EPHA10: variants seen among roughly 807,000 people sequenced by gnomAD.
EPHA10 encodes EPH receptor A10, also known as ephrin type-A receptor 10.
Under a neutral mutation model 109.7 loss-of-function variants are expected in EPHA10, and 120 were observed. That is an observed-to-expected ratio of 1.09 (90% CI 0.94 to 1.27). EPHA10 has a LOEUF of 1.27. Ranked by LOEUF, EPHA10 falls within the 50% of genes most tolerant of loss-of-function variation. EPHA10 has a pLI of 0.00. For missense variants in EPHA10, 1,396 were observed against 1,411.1 expected, an observed-to-expected ratio of 0.99 and a Z score of 0.17; for synonymous variants, 640 against 618.9, an observed-to-expected ratio of 1.03 and a Z score of -0.51.
In EPHA10 at chr1:37,740,731, G is replaced by A. The variant is rs74786106; in HGVS notation, c.1358-5341C>T. Among the ~76,000 whole-genome samples the A allele has an allele frequency of 8.5e-4, 130 of 152,232 alleles. No individual in the cohort carries two copies. The East Asian group carries it at 0.024, about 28-fold the overall frequency. ...TACACACATATACGGGAGATAATAA[G>A]GCCTGGGGTTAGTGTTCGGCAAAGG... On this transcript the variant is annotated intron_variant, in intron 5 of 16. Transcript: ENST00000373048.
downstream of EPHA10, chr1:37,714,905 A>G (rs964081492): frequency 6.6e-6 from 1 of 152,244 alleles, no homozygotes; most frequent in Non-Finnish European, 1.5e-5. Flanking sequence ...CGGCAAACCC[A>G]TGGGTGCTGT....
intron 7 of EPHA10, 84 bp downstream of exon 7, chr1:37,731,327 C>T: frequency 7.1e-7 from 1 of 1,405,156 alleles, no homozygotes; most frequent in Non-Finnish European, 9.5e-7. Flanking sequence ...CCAGATAACT[C>T]TCCCCCTCTA....
At chr1:37,749,642 C>T (rs1430410576) in intron 5 of EPHA10, among the ~76,000 whole-genome samples, 1 of 150,670 alleles carries the variant, frequency 6.6e-6, no homozygotes, top group African/African-American at 2.4e-5. Flanking sequence ...CATTGCATTC[C>T]AGCCTGGGTG....
At position 37,753,079 on chromosome 1, in the gene EPHA10, G is replaced by T. The variant is rs766399824; in HGVS notation, c.1154C>A (p.Pro385Gln). The change falls in exon 5 of 17, where the codon CCG (proline) becomes CAG (glutamine). Residue 385 changes from proline to glutamine, a missense_variant. By Grantham distance (76) the Pro-to-Gln change is moderately conservative. Transcript: ENST00000373048. ...LLCLRCGREG[P>Q]AGACEPCGPR... ...CCCGCACGGCTCGCAGGCGCCCGCCGGGCCCTCGCGGCCGCAGCGCAGGCA... is the reference window on the plus strand; with the variant it reads ...CCCGCACGGCTCGCAGGCGCCCGCCTGGCCCTCGCGGCCGCAGCGCAGGCA... 8.5e-6 allele frequency: 11 copies of T among 1,299,960 alleles called. No individual in the cohort carries two copies. The South Asian group carries it at 1.1e-4, about 13-fold the overall frequency. The allele number at this position is 1,299,960 out of a possible 1,614,324, so 80.5% of individuals were successfully genotyped here.
At chr1:37,720,328 G>C in intron 13 of EPHA10, 23 bp downstream of exon 13, 1 of 1,580,828 alleles carries the variant, frequency 6.3e-7, no homozygotes, top group Non-Finnish European at 8.6e-7. Flanking sequence ...GGCACAGGCA[G>C]GCTTGGCTGG....
Position 37,761,576 on chromosome 1 carries a change from C to T in EPHA10, c.679G>A (p.Glu227Lys), listed in dbSNP as rs868136274. 1 of 1,598,672 alleles carries T rather than the reference C, an allele frequency of 6.3e-7. No homozygotes were observed. Residue 227 changes from glutamate (E) to lysine (K), a missense_variant, in exon 3 of 17, where the codon GAG (glutamate) becomes AAG (lysine). By Grantham distance (56) the Glu-to-Lys change is moderately conservative (BLOSUM62 1). Coordinates refer to ENST00000373048, the MANE Select transcript of EPHA10 (RefSeq NM_001099439.2). Reference protein sequence around the residue: ...GLATFPATAAESAFSTLVEVA... With the variant: ...GLATFPATAAKSAFSTLVEVA... Reference sequence around the variant, plus strand: ...TCCACCAGTGTGGAGAAGGCGCTCTCGGCTGCGGTGGCTGGGAACGTGGCC... The same window carrying T: ...TCCACCAGTGTGGAGAAGGCGCTCTTGGCTGCGGTGGCTGGGAACGTGGCC...
intron 8 of EPHA10, among the ~76,000 whole-genome samples, chr1:37,724,909 A>G (rs1039793883): frequency 2.0e-5 from 3 of 152,198 alleles, no homozygotes; most frequent in Non-Finnish European, 4.4e-5. Context: ...TCAGCTTACC[A>G]AGCCTCCACA....
At chr1:37,750,669 T>C (rs1646308638) in intron 5 of EPHA10, among the ~76,000 whole-genome samples, 2 of 151,582 alleles carry the variant, frequency 1.3e-5, no homozygotes, top group Non-Finnish European at 2.9e-5. Flanking sequence ...AGCCTCAAAC[T>C]CCTGGGCTCA....
At chr1:37,732,600 A>T (rs1646002760) in intron 6 of EPHA10, among the ~76,000 whole-genome samples, 1 of 152,116 alleles carries the variant, frequency 6.6e-6, no homozygotes, top group Non-Finnish European at 1.5e-5. Context: ...TGGCTTCAGG[A>T]CCCACAAGGT....
At chr1:37,741,758 T>TA (rs11411840) in intron 5 of EPHA10, among the ~76,000 whole-genome samples, 50,062 of 142,916 alleles carry the variant, frequency 0.35, 8,419 homozygotes, top group East Asian at 0.48. Context: ...TCTGACCCTT[T>TA]AAAAAAAAAA....
intron 3 of EPHA10, among the ~76,000 whole-genome samples, chr1:37,758,101 G>A (rs1646404453): frequency 6.6e-6 from 1 of 152,186 alleles, no homozygotes; most frequent in Non-Finnish European, 1.5e-5. Flanking sequence ...CATTTTGGGT[G>A]CAGGCAATAA....
chr1:37,755,099 C>A (rs1002629367), intron 3 of EPHA10, among the ~76,000 whole-genome samples: 12 of 152,262 alleles, frequency 7.9e-5, no homozygotes, highest in East Asian at 1.9e-4. Flanking sequence ...TGTGCCCGAC[C>A]CTTTATCCTC....
intron 11 of EPHA10, among the ~76,000 whole-genome samples, 178 bp downstream of exon 11, chr1:37,721,482 T>A (rs1477983541): frequency 1.3e-5 from 2 of 149,948 alleles, no homozygotes; most frequent in African/African-American, 2.5e-5. Flanking sequence ...TGAGCCAGAG[T>A]GGCCGCTCCA....
rs985063950 is a variant in EPHA10 at position 37,723,174 on chromosome 1, A to G, written c.1835-8T>C. 4 of 1,611,756 alleles carry G rather than the reference A, an allele frequency of 2.5e-6. No individual in the cohort carries two copies. Among genetic ancestry groups the G allele is most frequent in the South Asian group, 2.2e-5 (2 of 90,852 alleles). On this transcript the variant is annotated splice_polypyrimidine_tract_variant and splice_region_variant and intron_variant, in intron 9 of 16. Transcript: ENST00000373048. ...GACGTGTTGGGACTTTGACTGGGAG[A>G]GAAAGAGATGAGCCTGAGGAATGGG... is the stretch of plus-strand genomic sequence containing the variant.
Position 37,762,026 on chromosome 1 carries a change from A to G in EPHA10, c.229T>C (p.Cys77Arg). The G allele has an allele frequency of 6.2e-7, 1 of 1,613,388 alleles. No homozygotes were observed. Among genetic ancestry groups the G allele is most frequent in the Non-Finnish European group, 8.5e-7 (1 of 1,179,624 alleles). The part of the protein sequence containing the change: ...HDRPIRTYQV[C>R]NVLEPNQDNW... ...TCCTGGTTGGGCTCCAGCACATTGC[A>G]CACTTGGTACGTGCGGATGGGACGG... The change falls in exon 3 of 17, where the codon TGC (cysteine) becomes CGC (arginine). Residue 77 changes from cysteine (C) to arginine (R), a missense_variant. Coordinates refer to ENST00000373048, the MANE Select transcript of EPHA10 (RefSeq NM_001099439.2).
At chr1:37,752,716 G>A (rs1014011463) in intron 5 of EPHA10, among the ~76,000 whole-genome samples, 160 bp downstream of exon 5, 226 of 150,606 alleles carry the variant, frequency 1.5e-3, no homozygotes, top group Non-Finnish European at 2.5e-3. Context: ...GCGTCCGGGG[G>A]GGTGACTTTG....
At chr1:37,734,192 G>A (rs1646032506) in intron 6 of EPHA10, among the ~76,000 whole-genome samples, 2 of 152,184 alleles carry the variant, frequency 1.3e-5, no homozygotes, top group Non-Finnish European at 2.9e-5. Context: ...AATATAATTT[G>A]CACCAAGGTG....
At chr1:37,723,800 G>A (rs1398762007) in intron 8 of EPHA10, among the ~76,000 whole-genome samples, 1 of 152,242 alleles carries the variant, frequency 6.6e-6, no homozygotes, top group African/African-American at 2.4e-5. Flanking sequence ...ACCAGTGCTG[G>A]CAAAGGAGAA....
intron 3 of EPHA10, among the ~76,000 whole-genome samples, chr1:37,756,242 T>C (rs758382925): frequency 9.2e-5 from 14 of 152,136 alleles, no homozygotes; most frequent in Admixed American, 6.5e-4. Flanking sequence ...AAAAAAAGCA[T>C]TGGTCAAATA....
Sources: gnomAD v4.1 joint callset for allele counts (sites outside exome capture counted in the v4.1 genomes callset) on GRCh38, gnomAD v4.1.1 for gene constraint, MANE v1.5 for transcripts, NCBI Gene and HGNC (gene_info 2026-07-23, HGNC 2026-07-21) for gene names.